The following TEN1 variants were observed in gnomAD, a reference collection of about 807,000 sequenced individuals.
The protein encoded by TEN1 is TEN1 subunit of CST complex, also known as CST complex subunit TEN1.
A neutral mutation model predicts 9.3 loss-of-function variants in TEN1; 6 were observed. The ratio of observed to expected loss-of-function variants is 0.65; its 90% CI spans 0.35 to 1.27. The LOEUF is 1.27. TEN1 is among the 50% of genes most tolerant of loss of function. The probability of loss-of-function intolerance (pLI) is 0.03; values close to 1 mark genes in which losing one functional copy is unlikely to be tolerated. For missense variants in TEN1, 149 were observed against 158.2 expected (o/e 0.94, Z 0.31); for synonymous variants, 65 against 65.6 (o/e 0.99, Z 0.04).
chr17:75,985,912 TAAG>T (rs1567895903), intron 1 of TEN1, among the ~76,000 whole-genome samples: 1 of 151,820 alleles, frequency 6.6e-6, no homozygotes, highest in Admixed American at 6.6e-5. Context: ...TATTATACTT[TAAG>T]TTCTAGGGTC....
At chr17:75,988,013 G>T (rs1166979465) in intron 2 of TEN1, among the ~76,000 whole-genome samples, 1 of 151,664 alleles carries the variant, frequency 6.6e-6, no homozygotes, top group Non-Finnish European at 1.5e-5. Flanking sequence ...GCCTAAGTGG[G>T]CAGATCACCT....
At chr17:75,997,491 C>G (rs2066224551) in intron 3 of TEN1, among the ~76,000 whole-genome samples, 1 of 152,110 alleles carries the variant, frequency 6.6e-6, no homozygotes, top group Admixed American at 6.6e-5. Context: ...CGTTCTTCCT[C>G]CTACCATCAG....
At chr17:75,980,618 TTTTGCCATG>T (rs1370375722) in intron 1 of TEN1, among the ~76,000 whole-genome samples, 2 of 152,032 alleles carry the variant, frequency 1.3e-5, no homozygotes, top group African/African-American at 4.8e-5. Context: ...AGAGACAGGA[TTTTGCCATG>T]TTGGCCAGGC....
intron 3 of TEN1, among the ~76,000 whole-genome samples, chr17:75,994,729 G>A (rs1316256439): frequency 3.3e-5 from 5 of 152,058 alleles, no homozygotes; most frequent in African/African-American, 1.2e-4. Flanking sequence ...ACCTGCCTCA[G>A]CTTCCCAAAG....
chr17:75,979,623 C>T (rs949214639), intron 1 of TEN1, 112 bp downstream of exon 1: 10 of 200,024 alleles, frequency 5.0e-5, no homozygotes, highest in Admixed American at 2.7e-4. Context: ...GTCCGTGCCC[C>T]TAGGCCTCTC....
chr17:75,994,730 C>T (rs2066208743), intron 3 of TEN1, among the ~76,000 whole-genome samples: 1 of 152,116 alleles, frequency 6.6e-6, no homozygotes, highest in Non-Finnish European at 1.5e-5. Context: ...CCTGCCTCAG[C>T]TTCCCAAAGT....
chr17:75,991,149 C>CAAAAAAAAAAAAAAAAAAAAAAAA (rs71361699), intron 2 of TEN1, among the ~76,000 whole-genome samples: 13 of 70,142 alleles, frequency 1.9e-4, no homozygotes, highest in African/African-American at 5.1e-4. Context: ...GACTCCATCT[C>CAAAAAAAAAAAAAAAAAAAAAAAA]AAAAAAAAAA....
At position 75,983,584 on chromosome 17, in the gene TEN1, T is replaced by C. The variant is rs569279175; in HGVS notation, c.-6-2603T>C. 1.2e-3 allele frequency among the ~76,000 whole-genome samples: 176 copies of C among 152,298 alleles called. No individual in the cohort carries two copies. The Middle Eastern group carries it at 0.034, about 29-fold the overall frequency. Reference sequence around the variant, plus strand: ...CCACAGCACAAACGAAATCATTTCATGGAGAGCATGGCATTACAGTCAAGA... The same window carrying C: ...CCACAGCACAAACGAAATCATTTCACGGAGAGCATGGCATTACAGTCAAGA... On this transcript the variant is annotated intron_variant, in intron 1 of 3. Transcript: ENST00000397640.
chr17:75,983,608 G>A (rs2066135713), intron 1 of TEN1, among the ~76,000 whole-genome samples: 1 of 152,192 alleles, frequency 6.6e-6, no homozygotes, highest in African/African-American at 2.4e-5. Context: ...TTACAGTCAA[G>A]AAAGACTAAT....
At chr17:75,988,373 C>T (rs968093636) in intron 2 of TEN1, among the ~76,000 whole-genome samples, 11 of 151,318 alleles carry the variant, frequency 7.3e-5, no homozygotes, top group Non-Finnish European at 7.4e-5. Context: ...CAAGCCTGGG[C>T]AACATGGTGA....
At chr17:75,983,545 C>T (rs1242190508) in intron 1 of TEN1, among the ~76,000 whole-genome samples, 2 of 152,286 alleles carry the variant, frequency 1.3e-5, no homozygotes, top group East Asian at 1.9e-4. Flanking sequence ...CCTCTATAAC[C>T]ACCTGATGGG....
chr17:75,994,442 A>AAC (rs2066206746), intron 3 of TEN1, among the ~76,000 whole-genome samples: 1 of 151,342 alleles, frequency 6.6e-6, no homozygotes, highest in Non-Finnish European at 1.5e-5. Context: ...CTCAAAAAAA[A>AAC]AAAAGAAAAA....
chr17:75,995,725 C>A (rs1380061786), intron 3 of TEN1, among the ~76,000 whole-genome samples: 3 of 152,208 alleles, frequency 2.0e-5, no homozygotes, highest in African/African-American at 7.2e-5. Flanking sequence ...AAACAGCAAG[C>A]AGCTGCCCAC....
In TEN1 at chr17:76,000,114, G is replaced by C; in HGVS notation, c.251-27G>C. 6.5e-7 allele frequency: 1 copy of C among 1,547,934 alleles called. No individual in the cohort carries two copies. Among genetic ancestry groups the C allele is most frequent in the Non-Finnish European group, 8.7e-7 (1 of 1,144,414 alleles). On this transcript the variant is annotated intron_variant, in intron 3 of 3. Transcript: ENST00000397640. This position sits in a 1 kb window ranked among gnomAD's most constrained non-coding sequence, Gnocchi z 5.9. Reference sequence around the variant, plus strand: ...GTTGTTGACACGCCGCTCAGTCGCCGTTCGTGCCCTGGTGTTTGTCTTGCA... The same window carrying C: ...GTTGTTGACACGCCGCTCAGTCGCCCTTCGTGCCCTGGTGTTTGTCTTGCA...
chr17:75,981,822 G>A (rs548957565), intron 1 of TEN1, among the ~76,000 whole-genome samples: 12 of 152,226 alleles, frequency 7.9e-5, no homozygotes, highest in Non-Finnish European at 1.0e-4. Flanking sequence ...GAGGTCAGGA[G>A]ATCGAGACCA....
intron 1 of TEN1, among the ~76,000 whole-genome samples, chr17:75,981,367 A>G (rs1449360485): frequency 1.3e-5 from 2 of 151,984 alleles, no homozygotes; most frequent in African/African-American, 4.8e-5. Context: ...TTGTGTCTTT[A>G]TTAGAGGCAG....
Position 75,979,309 on chromosome 17 carries a change from C to T in TEN1, c.-209C>T. 3.2e-6 allele frequency: 2 copies of T among 627,888 alleles called. No homozygotes were observed. Among genetic ancestry groups the T allele is most frequent in the South Asian group, 3.7e-5 (2 of 54,612 alleles). The allele number at this position is 627,888 out of a possible 1,614,324, so 38.9% of individuals were successfully genotyped here. ...TCCGCGTCGTGGCTGGGGCCGGTCG[C>T]GGGGCAGACTAATCCCCTGCTCCTG... On this transcript the variant is annotated 5_prime_UTR_variant, in exon 1 of 4. Transcript: ENST00000397640.
chr17:75,990,621 C>A (rs1217241552), intron 2 of TEN1, among the ~76,000 whole-genome samples: 2 of 146,436 alleles, frequency 1.4e-5, no homozygotes, highest in Non-Finnish European at 1.5e-5. Context: ...ATCACGTGAG[C>A]CCAGGAGTTC....
At chr17:75,984,159 G>A (rs2066138361) in intron 1 of TEN1, among the ~76,000 whole-genome samples, 1 of 152,164 alleles carries the variant, frequency 6.6e-6, no homozygotes, top group Non-Finnish European at 1.5e-5. Context: ...GCAGCTTAGA[G>A]GCCAAAGGCA....
Sources: allele counts gnomAD v4.1 joint callset (sites outside exome capture counted in the v4.1 genomes callset), GRCh38; gene constraint gnomAD v4.1.1; non-coding constraint Gnocchi (gnomAD v3.1); transcripts MANE v1.5; gene names NCBI Gene and HGNC (gene_info 2026-07-23, HGNC 2026-07-21).